PREX1: variants seen among roughly 807,000 people sequenced by gnomAD.
PREX1 encodes the protein phosphatidylinositol-3,4,5-trisphosphate dependent Rac exchange factor 1.
A neutral mutation model predicts 198.3 loss-of-function variants in PREX1; 41 were observed. The ratio of observed to expected loss-of-function variants is 0.21; its 90% CI spans 0.16 to 0.27. The LOEUF (loss-of-function observed/expected upper bound fraction) is 0.27, where lower values mean the gene tolerates loss of function less well. Ranked by LOEUF, PREX1 falls within the 10% of genes least tolerant of loss-of-function variation. PREX1 has a pLI of 1.00. For missense variants in PREX1, 1,620 were observed against 2,200.7 expected, an observed-to-expected ratio of 0.74 and a Z score of 5.28; for synonymous variants, 843 against 887.2, an observed-to-expected ratio of 0.95 and a Z score of 0.89.
At chr20:48,786,853 GAA>G (rs372633317) in intron 1 of PREX1, among the ~76,000 whole-genome samples, 8 of 127,056 alleles carry the variant, frequency 6.3e-5, no homozygotes, top group East Asian at 4.8e-4. Context: ...AAGAGAGAGA[GAA>G]AGAGAAAGAG....
intron 15 of PREX1, among the ~76,000 whole-genome samples, chr20:48,663,427 T>C (rs1412670867): frequency 6.6e-6 from 1 of 152,180 alleles, no homozygotes; most frequent in African/African-American, 2.4e-5. Flanking sequence ...CTCAGGAGGC[T>C]GAGGCAGGAG....
chr20:48,839,742 C>T, the PREX1 span, among the ~76,000 whole-genome samples: 1 of 152,162 alleles, frequency 6.6e-6, no homozygotes, highest in Admixed American at 6.5e-5. Context: ...GCATCATCAC[C>T]TCTAGTGCTG....
intron 35 of PREX1, among the ~76,000 whole-genome samples, 188 bp from the exon 36 acceptor site, chr20:48,630,982 G>A (rs144109681): frequency 1.0e-3 from 153 of 152,218 alleles, no homozygotes; most frequent in African/African-American, 3.5e-3. Flanking sequence ...GGGGGGGAAA[G>A]AGGGGCCTCC....
chr20:48,806,202 C>T (rs1479786863), intron 1 of PREX1, among the ~76,000 whole-genome samples: 1 of 152,216 alleles, frequency 6.6e-6, no homozygotes, highest in Non-Finnish European at 1.5e-5. Context: ...CCAAACTGCC[C>T]TTGTTTGAGA....
At chr20:48,647,771 T>C (rs1349344631) in intron 25 of PREX1, among the ~76,000 whole-genome samples, 1 of 152,134 alleles carries the variant, frequency 6.6e-6, no homozygotes, top group Non-Finnish European at 1.5e-5. Flanking sequence ...TTTTCCCTTA[T>C]CATGGAATAT....
intron 7 of PREX1, 65 bp from the exon 8 acceptor site, chr20:48,692,855 G>A: frequency 7.4e-7 from 1 of 1,347,076 alleles, no homozygotes; most frequent in Non-Finnish European, 1.1e-6. Flanking sequence ...GTTTTCAACA[G>A]CGCAAAGGGG....
At chr20:48,734,744 A>T in intron 3 of PREX1, 94 bp from the exon 4 acceptor site, 5 of 1,060,574 alleles carry the variant, frequency 4.7e-6, no homozygotes, top group Non-Finnish European at 7.2e-6. Context: ...GGGTAGGGGT[A>T]AGGACTACCC....
chr20:48,652,908 G>A (rs562782510), intron 20 of PREX1, among the ~76,000 whole-genome samples: 2 of 152,318 alleles, frequency 1.3e-5, no homozygotes, highest in East Asian at 3.9e-4. Context: ...CATGGGTGCA[G>A]ACACGTCTCT....
chr20:48,828,715 C>T (rs143394391), upstream of PREX1, among the ~76,000 whole-genome samples: 1 of 152,214 alleles, frequency 6.6e-6, no homozygotes, highest in African/African-American at 2.4e-5. Context: ...TTCTGAACTT[C>T]TTTGCCCCCT....
the PREX1 span, among the ~76,000 whole-genome samples, chr20:48,860,386 G>A: frequency 8.3e-4 from 127 of 152,332 alleles, no homozygotes; most frequent in Non-Finnish European, 1.5e-3. Context: ...AGAATGGGGA[G>A]TTGTTTAATG....
chr20:48,852,234 G>T, the PREX1 span, among the ~76,000 whole-genome samples: 1 of 151,776 alleles, frequency 6.6e-6, no homozygotes, highest in Non-Finnish European at 1.5e-5. Flanking sequence ...GATATATTTA[G>T]GTCAGTTGTT....
Position 48,738,984 on chromosome 20 carries a change from G to A in PREX1, c.415-4334C>T, listed in dbSNP as rs1315334247. 1.3e-5 allele frequency among the ~76,000 whole-genome samples: 2 copies of A among 152,156 alleles called. 1 individual carries two copies. Among genetic ancestry groups the A allele is most frequent in the South Asian group, 4.1e-4 (2 of 4,830 alleles). On this transcript the variant is annotated intron_variant, in intron 3 of 39. Transcript: ENST00000371941. ...ACCCATCCATACAGCTGTGGGGAGA[G>A]GGGGGTTAAAACAGAAATCAGACCA...
chr20:48,753,523 G>A (rs2090143275), intron 1 of PREX1, among the ~76,000 whole-genome samples: 1 of 152,088 alleles, frequency 6.6e-6, no homozygotes, highest in Admixed American at 6.6e-5. Context: ...CAGTGCACAG[G>A]ACAACCCCAC....
rs1425500202 is a variant in PREX1 at position 48,768,806 on chromosome 20, C to T, written c.220-20926G>A. Among the ~76,000 whole-genome samples, 5 of 152,050 alleles carry T rather than the reference C, an allele frequency of 3.3e-5. No homozygotes were observed. In the East Asian group the frequency reaches 7.7e-4, roughly 24 times the overall value. On this transcript the variant is annotated intron_variant, in intron 1 of 39. Transcript: ENST00000371941. ...AAAAAAGAAAAGTCGTCATTCAAGG[C>T]TGGATAAAGACTGGCAAGGGGCTCA...
At chr20:48,782,510 T>C (rs1388274954) in intron 1 of PREX1, among the ~76,000 whole-genome samples, 1 of 152,156 alleles carries the variant, frequency 6.6e-6, no homozygotes, top group Non-Finnish European at 1.5e-5. Context: ...AGCGTGAAAA[T>C]GGACTAATAC....
At chr20:48,868,968 T>C in the PREX1 span, among the ~76,000 whole-genome samples, 2 of 150,684 alleles carry the variant, frequency 1.3e-5, no homozygotes, top group South Asian at 4.2e-4. Flanking sequence ...CCTCGACCTC[T>C]TGGGTTCAAG....
At chr20:48,715,403 C>T (rs779051019) in intron 5 of PREX1, among the ~76,000 whole-genome samples, 2 of 152,230 alleles carry the variant, frequency 1.3e-5, no homozygotes, top group Non-Finnish European at 2.9e-5. Context: ...TTCAGGCCCA[C>T]TAATGCCTTA....
At chr20:48,716,555 G>T (rs2089963351) in intron 5 of PREX1, among the ~76,000 whole-genome samples, 1 of 152,200 alleles carries the variant, frequency 6.6e-6, no homozygotes, top group Non-Finnish European at 1.5e-5. Flanking sequence ...AAGAACAAAG[G>T]GCTCAGAGGA....
intron 3 of PREX1, among the ~76,000 whole-genome samples, chr20:48,744,611 G>A (rs1390142997): frequency 1.3e-5 from 2 of 152,220 alleles, no homozygotes; most frequent in African/African-American, 4.8e-5. Context: ...GGGCACCCCA[G>A]GATCAGACAC....
Sources: gnomAD v4.1 joint callset for allele counts (sites outside exome capture counted in the v4.1 genomes callset) on GRCh38, gnomAD v4.1.1 for gene constraint, MANE v1.5 for transcripts, NCBI Gene and HGNC (gene_info 2026-07-23, HGNC 2026-07-21) for gene names.